ARID2: variants seen among roughly 807,000 people sequenced by gnomAD.
ARID2 encodes AT-rich interactive domain-containing protein 2.
Under a neutral mutation model 184.6 loss-of-function variants are expected in ARID2, and 32 were observed. The observed-to-expected ratio is 0.17, with a 90% CI of 0.13 to 0.23. The LOEUF (loss-of-function observed/expected upper bound fraction) is 0.23, where lower values mean the gene tolerates loss of function less well. ARID2 is among the 10% of genes least tolerant of loss of function. The pLI is 1.00. For synonymous variants in ARID2, 836 were observed against 772.6 expected (o/e 1.08, Z -1.36); for missense variants, 1,696 against 2,197.6 (o/e 0.77, Z 4.56).
At chr12:45,854,552 G>T (rs1212014366) in intron 15 of ARID2, among the ~76,000 whole-genome samples, 1 of 152,122 alleles carries the variant, frequency 6.6e-6, no homozygotes, top group African/African-American at 2.4e-5. Context: ...GTATATAGTA[G>T]ATATTCCATA....
chr12:45,746,908 A>T (rs1941369198), intron 3 of ARID2, among the ~76,000 whole-genome samples: 1 of 152,172 alleles, frequency 6.6e-6, no homozygotes, highest in South Asian at 2.1e-4. Flanking sequence ...CTGGGACTAC[A>T]GGCGCTCGCC....
intron 5 of ARID2, among the ~76,000 whole-genome samples, chr12:45,820,388 A>T (rs1383187944): frequency 1.3e-5 from 2 of 152,194 alleles, no homozygotes; most frequent in African/African-American, 4.8e-5. Context: ...TTTTAACTAA[A>T]TATTAGGTTC....
chr12:45,876,288 C>A (rs184016789), intron 16 of ARID2, among the ~76,000 whole-genome samples: 1 of 152,216 alleles, frequency 6.6e-6, no homozygotes, highest in Admixed American at 6.5e-5. Context: ...CAGTGGCTCA[C>A]GCCTGTAATC....
chr12:45,747,040 A>T (rs865896287), intron 3 of ARID2, among the ~76,000 whole-genome samples: 1 of 152,208 alleles, frequency 6.6e-6, no homozygotes, highest in African/African-American at 2.4e-5. Context: ...AAGTGTTGGG[A>T]TTACAGGCGT....
At chr12:45,729,964 G>A (rs1565573738) in intron 1 of ARID2, 36 bp downstream of exon 1, 1 of 1,604,488 alleles carries the variant, frequency 6.2e-7, no homozygotes. Flanking sequence ...GCCGGGGCGA[G>A]CCGGGGCGAA....
At chr12:45,779,764 G>C (rs914796076) in intron 3 of ARID2, among the ~76,000 whole-genome samples, 1 of 151,884 alleles carries the variant, frequency 6.6e-6, no homozygotes, top group African/African-American at 2.4e-5. Flanking sequence ...TAATATTATT[G>C]AAATAAAGCA....
intron 6 of ARID2, among the ~76,000 whole-genome samples, chr12:45,829,533 T>A (rs1405127269): frequency 6.6e-6 from 1 of 151,952 alleles, no homozygotes; most frequent in East Asian, 1.9e-4. Flanking sequence ...TTTAACTAGA[T>A]CTTTCAATGA....
At chr12:45,770,450 C>A (rs939131720) in intron 3 of ARID2, among the ~76,000 whole-genome samples, 1 of 152,112 alleles carries the variant, frequency 6.6e-6, no homozygotes, top group African/African-American at 2.4e-5. Context: ...ACCAGCACAG[C>A]CTGCAGCTAG....
At chr12:45,730,849 C>G (rs1340646254) in intron 2 of ARID2, among the ~76,000 whole-genome samples, 1 of 146,010 alleles carries the variant, frequency 6.8e-6, no homozygotes, top group African/African-American at 2.5e-5. Flanking sequence ...CGTCGCTGTC[C>G]GGAACTGTAT....
chr12:45,907,460 T>G lies in ARID2; in HGVS notation c.*2382T>G, dbSNP rs938368992. Reference sequence around the variant, plus strand: ...TAGTTCTAGCTTTTCTGCTATAATATGTAAATATGACTGTAGCCTTTTAAG... The same window carrying G: ...TAGTTCTAGCTTTTCTGCTATAATAGGTAAATATGACTGTAGCCTTTTAAG... On this transcript the variant is annotated 3_prime_UTR_variant, in exon 21 of 21. Transcript: ENST00000334344. The G allele has an allele frequency of 4.3e-6, 1 of 233,282 alleles. No individual in the cohort carries two copies. The highest frequency in any genetic ancestry group is 2.2e-5 in the African/African-American group (1 of 45,338). 14.5% of individuals were successfully genotyped at this position (233,282 alleles called of 1,614,324 possible). A position where few individuals can be genotyped will look rare whatever the true frequency, so the allele number is the denominator to read the frequency against.
At chr12:45,808,356 G>A (rs981710482) in intron 3 of ARID2, among the ~76,000 whole-genome samples, 3 of 152,004 alleles carry the variant, frequency 2.0e-5, no homozygotes, top group Non-Finnish European at 4.4e-5. Context: ...CATCTCAGTT[G>A]GAAATATTTA....
Position 45,742,617 on chromosome 12 carries a change from A to AT in ARID2, c.284+11310dup, listed in dbSNP as rs1418069597. Among the ~76,000 whole-genome samples, 8 of 152,218 alleles carry AT rather than the reference A, an allele frequency of 5.3e-5. No individual in the cohort carries two copies. The East Asian group carries it at 7.7e-4, about 15-fold the overall frequency. ...ACTAAGTTCATAGAATCCCATTATTATTTTTTTAACAGCTGCATAATGTTC... is the reference window on the plus strand; with the variant it reads ...ACTAAGTTCATAGAATCCCATTATTATTTTTTTTAACAGCTGCATAATGTTC... On this transcript the variant is annotated intron_variant, in intron 3 of 20. Transcript: ENST00000334344.
chr12:45,794,688 G>T (rs935876875), intron 3 of ARID2, among the ~76,000 whole-genome samples: 3 of 152,144 alleles, frequency 2.0e-5, no homozygotes, highest in African/African-American at 7.2e-5. Flanking sequence ...TTCGTCTTGC[G>T]TACTTTAATT....
intron 16 of ARID2, among the ~76,000 whole-genome samples, chr12:45,871,104 C>T (rs1943919583): frequency 1.3e-5 from 2 of 152,208 alleles, no homozygotes; most frequent in South Asian, 2.1e-4. Flanking sequence ...TTTGTTGCTT[C>T]ATATCCTTGC....
At chr12:45,822,028 A>G (rs1942906808) in intron 6 of ARID2, among the ~76,000 whole-genome samples, 1 of 152,234 alleles carries the variant, frequency 6.6e-6, no homozygotes, top group African/African-American at 2.4e-5. Context: ...TCAAGGAAAT[A>G]TAGGATGCTT....
chr12:45,870,932 T>C (rs1943917063), intron 16 of ARID2, among the ~76,000 whole-genome samples: 1 of 152,188 alleles, frequency 6.6e-6, no homozygotes, highest in Non-Finnish European at 1.5e-5. Context: ...ATGTGTAAGT[T>C]TGTGTGGATG....
intron 4 of ARID2, among the ~76,000 whole-genome samples, chr12:45,816,459 C>G (rs1565606903): frequency 6.6e-6 from 1 of 152,128 alleles, no homozygotes; most frequent in African/African-American, 2.4e-5. Context: ...AATAGGAACT[C>G]TTTATATTGC....
At chr12:45,759,846 G>C (rs1401780534) in intron 3 of ARID2, among the ~76,000 whole-genome samples, 1 of 152,222 alleles carries the variant, frequency 6.6e-6, no homozygotes, top group East Asian at 1.9e-4. Flanking sequence ...GCATGCAAGC[G>C]CGTGCCTGGC....
At chr12:45,894,247 G>A (rs1944339453) in intron 20 of ARID2, among the ~76,000 whole-genome samples, 1 of 152,194 alleles carries the variant, frequency 6.6e-6, no homozygotes, top group Non-Finnish European at 1.5e-5. Context: ...TCGTGAGAGA[G>A]CAAATATAGA....
Sources: gnomAD v4.1 joint callset for allele counts (sites outside exome capture counted in the v4.1 genomes callset) on GRCh38, gnomAD v4.1.1 for gene constraint, MANE v1.5 for transcripts, NCBI Gene and HGNC (gene_info 2026-07-23, HGNC 2026-07-21) for gene names.